The following TRIB3 variants were observed in gnomAD, a reference collection of about 807,000 sequenced individuals.
The protein encoded by TRIB3 is tribbles pseudokinase 3.
In TRIB3, 20 loss-of-function variants were observed where a neutral mutation model predicts 16.6. The ratio of observed to expected loss-of-function variants is 1.20; its 90% CI spans 0.85 to 1.75. The LOEUF is 1.75. TRIB3 is among the 40% of genes most tolerant of loss of function. The pLI is 0.00. For synonymous variants in TRIB3, 208 were observed against 217.0 expected (o/e 0.96, Z 0.36); for missense variants, 484 against 488.9 (o/e 0.99, Z 0.10).
At chr20:388,862 G>A (rs1013437088) in intron 2 of TRIB3, among the ~76,000 whole-genome samples, 5 of 152,122 alleles carry the variant, frequency 3.3e-5, no homozygotes, top group Non-Finnish European at 7.3e-5. Flanking sequence ...GGAGGTGATC[G>A]AGCCTAACCT....
intron 1 of TRIB3, chr20:382,564 G>C: frequency 6.5e-7 from 1 of 1,535,692 alleles, no homozygotes; most frequent in Non-Finnish European, 8.7e-7. Flanking sequence ...TATGCATCTT[G>C]CTGTGAAGAA....
At chr20:391,001 C>CCA (rs747388615) in intron 2 of TRIB3, among the ~76,000 whole-genome samples, 1 of 85,786 alleles carries the variant, frequency 1.2e-5, no homozygotes, top group Non-Finnish European at 2.3e-5. Context: ...GACTCCGTCT[C>CCA]AAAAAAAAAA....
At position 396,738 on chromosome 20, in the gene TRIB3, G is replaced by T. The variant is rs1466160557; in HGVS notation, c.*48G>T. The T allele has an allele frequency of 5.8e-6, 9 of 1,553,452 alleles. No individual in the cohort carries two copies. Among genetic ancestry groups the T allele is most frequent in the Non-Finnish European group, 7.8e-6 (9 of 1,150,744 alleles). ...CTGCCAACAGTGGATTGAGTTTGGGGGTAGCTCCAAGCCTTCTCCTGCCTC... is the reference window on the plus strand; with the variant it reads ...CTGCCAACAGTGGATTGAGTTTGGGTGTAGCTCCAAGCCTTCTCCTGCCTC... On this transcript the variant is annotated 3_prime_UTR_variant, in exon 4 of 4. Transcript: ENST00000217233.
At chr20:392,494 GA>G (rs2015007652) in intron 3 of TRIB3, among the ~76,000 whole-genome samples, 1 of 152,106 alleles carries the variant, frequency 6.6e-6, no homozygotes, top group Non-Finnish European at 1.5e-5. Context: ...CGTTTTCTGT[GA>G]AACTGAGAAT....
At chr20:384,954 C>T (rs6107241) in intron 1 of TRIB3, among the ~76,000 whole-genome samples, 7,849 of 152,192 alleles carry the variant, frequency 0.052, 666 homozygotes, top group African/African-American at 0.18. Context: ...ACAGGAAATG[C>T]AGTTTATTCT....
chr20:393,175 A>T (rs1600255203), intron 3 of TRIB3, among the ~76,000 whole-genome samples: 1 of 152,100 alleles, frequency 6.6e-6, no homozygotes, highest in Non-Finnish European at 1.5e-5. Context: ...CTATTAACTA[A>T]GCCACAGATT....
At chr20:391,705 A>G in intron 3 of TRIB3, 126 bp downstream of exon 3, 1 of 1,283,374 alleles carries the variant, frequency 7.8e-7, no homozygotes, top group Non-Finnish European at 1.1e-6. Context: ...AGTAACCAGC[A>G]GCCCCTGTTT....
chr20:391,370 G>A lies in TRIB3; in HGVS notation c.375G>A (p.Glu125=), dbSNP rs6084298. Residue 125 remains glutamate, a synonymous_variant, in exon 3 of 4, where the codon GAG becomes GAA. Transcript: ENST00000217233. Reference sequence around the variant, plus strand: ...ACAAGCATGTGGCTCGGCCCACTGAGGTCCTGGCTGGTACCCAGCTCCTCT... The same window carrying A: ...ACAAGCATGTGGCTCGGCCCACTGAAGTCCTGGCTGGTACCCAGCTCCTCT... ...PPHKHVARPT[E]VLAGTQLLYA... 1 of 1,613,394 alleles carries A rather than the reference G, an allele frequency of 6.2e-7. No homozygotes were observed. Among genetic ancestry groups the A allele is most frequent in the African/African-American group, 1.3e-5 (1 of 74,952 alleles).
rs534874860 is a variant in TRIB3, at chr20:382,751, G to A, written c.-1+1582G>A. The stretch of plus-strand genomic sequence containing the variant: ...AGAAAGCTTGAGGAACTTGACCAGG[G>A]GTACCCCCCAGCTAGAAAGGGTTTG... On this transcript the variant is annotated intron_variant, in intron 1 of 3. Transcript: ENST00000217233. The A allele has an allele frequency of 3.5e-3, 2,452 of 695,984 alleles. 9 individuals carry two copies. The highest frequency in any genetic ancestry group is 9.2e-3 in the Middle Eastern group (39 of 4,218). The allele number at this position is 695,984 out of a possible 1,614,324, so 43.1% of individuals were successfully genotyped here.
intron 3 of TRIB3, among the ~76,000 whole-genome samples, chr20:395,182 C>G (rs2015092590): frequency 6.8e-6 from 1 of 146,566 alleles, no homozygotes; most frequent in Non-Finnish European, 1.5e-5. Context: ...TTTTTTGAGA[C>G]AGGGTCTCAC....
At chr20:385,622 A>G (rs2014783736) in intron 1 of TRIB3, 1 of 151,838 alleles carries the variant, frequency 6.6e-6, no homozygotes, top group African/African-American at 2.4e-5. Context: ...AGGGCCCAGC[A>G]ATGTATGTTG....
intron 2 of TRIB3, 75 bp downstream of exon 2, chr20:388,376 T>C: frequency 6.7e-7 from 1 of 1,483,602 alleles, no homozygotes; most frequent in Non-Finnish European, 9.0e-7. Flanking sequence ...ATTGCCAGGG[T>C]GCAGAGGGGT....
intron 2 of TRIB3, among the ~76,000 whole-genome samples, chr20:388,838 A>G (rs1363384408): frequency 6.6e-6 from 1 of 151,924 alleles, no homozygotes; most frequent in Admixed American, 6.6e-5. Flanking sequence ...AGACATCAAA[A>G]CTCCTGGGAC....
At position 391,587 on chromosome 20, in the gene TRIB3, T is replaced by C. The variant is rs2014982691; in HGVS notation, c.584+8T>C. 1 of 1,601,708 alleles carries C rather than the reference T, an allele frequency of 6.2e-7. No individual in the cohort carries two copies. The highest frequency in any genetic ancestry group is 8.5e-7 in the Non-Finnish European group (1 of 1,172,584). On this transcript the variant is annotated splice_region_variant and intron_variant, in intron 3 of 3. Transcript: ENST00000217233. ...CTTCGCTGACCGTGAGAGGTGAGTG[T>C]GGTCTCAGAGACCCCAGCCACAGAC...
chr20:388,388 C>G, intron 2 of TRIB3, 87 bp downstream of exon 2: 1 of 1,434,414 alleles, frequency 7.0e-7, no homozygotes, highest in Admixed American at 2.5e-5. Context: ...CAGAGGGGTC[C>G]TTATGTTCAT....
chr20:394,019 T>C (rs1162943860), intron 3 of TRIB3, among the ~76,000 whole-genome samples: 1 of 148,266 alleles, frequency 6.7e-6, no homozygotes, highest in Non-Finnish European at 1.5e-5. Flanking sequence ...CTTTTTCTTT[T>C]TTTTCTTTCT....
At chr20:389,608 G>A (rs2014917143) in intron 2 of TRIB3, among the ~76,000 whole-genome samples, 1 of 152,186 alleles carries the variant, frequency 6.6e-6, no homozygotes, top group Non-Finnish European at 1.5e-5. Context: ...GGTGCCCTAA[G>A]GAGCCCAGAA....
At chr20:383,181 C>T (rs888900028) in intron 1 of TRIB3, among the ~76,000 whole-genome samples, 3 of 152,236 alleles carry the variant, frequency 2.0e-5, no homozygotes, top group Non-Finnish European at 2.9e-5. Flanking sequence ...TTTCACTTAA[C>T]AGTTCACTCT....
Position 396,559 on chromosome 20 carries a change from C to A in TRIB3, c.946C>A (p.Arg316=). 6.2e-7 allele frequency: 1 copy of A among 1,613,142 alleles called. No homozygotes were observed. The highest frequency in any genetic ancestry group is 8.5e-7 in the Non-Finnish European group (1 of 1,180,024). Residue 316 remains arginine (R), a synonymous_variant, in exon 4 of 4, where the codon CGA becomes AGA. Transcript: ENST00000217233. ...AGGCATCCTCCTGCACCCCTGGCTGCGACAGGACCCGATGCCCTTAGCCCC... is the reference window on the plus strand; with the variant it reads ...AGGCATCCTCCTGCACCCCTGGCTGAGACAGGACCCGATGCCCTTAGCCCC... ...ATGILLHPWL[R]QDPMPLAPTR...
Sources: allele counts gnomAD v4.1 joint callset (sites outside exome capture counted in the v4.1 genomes callset), GRCh38; gene constraint gnomAD v4.1.1; transcripts MANE v1.5; gene names NCBI Gene and HGNC (gene_info 2026-07-23, HGNC 2026-07-21).